NMNAT2: variants seen among roughly 807,000 people sequenced by gnomAD.
NMNAT2 encodes nicotinamide nucleotide adenylyltransferase 2.
Under a neutral mutation model 41.6 loss-of-function variants are expected in NMNAT2, and 11 were observed. The observed-to-expected ratio is 0.26, with a 90% CI of 0.17 to 0.44. The LOEUF (loss-of-function observed/expected upper bound fraction) is 0.44, where lower values mean the gene tolerates loss of function less well. Ranked by LOEUF, NMNAT2 falls within the 20% of genes least tolerant of loss-of-function variation. The probability of loss-of-function intolerance (pLI) is 1.00; values close to 1 mark genes in which losing one functional copy is unlikely to be tolerated. For missense variants in NMNAT2, 288 were observed against 407.7 expected, an observed-to-expected ratio of 0.71 and a Z score of 2.53; for synonymous variants, 148 against 151.2, an observed-to-expected ratio of 0.98 and a Z score of 0.16.
intron 10 of NMNAT2, among the ~76,000 whole-genome samples, chr1:183,255,179 T>A (rs1660484420): frequency 6.6e-6 from 1 of 152,244 alleles, no homozygotes; most frequent in Admixed American, 6.5e-5. Flanking sequence ...GACTGTCCTC[T>A]CTTTATTGTG....
Position 183,418,189 on chromosome 1 carries a change from T to G in NMNAT2, c.79A>C (p.Met27Leu). The stretch of plus-strand genomic sequence containing the variant: ...GGTGGGCGGGAGGACTCACCAAACA[T>G]CTGAATGTGCCCTTTGGTGATGGGA... ...FNPITKGHIQ[M>L]FERARDYLHK... The change falls in exon 1 of 11, where the codon ATG (methionine) becomes CTG (leucine). Residue 27 changes from methionine (M) to leucine (L), a missense_variant. This residue lies in a region of NMNAT2 where 100 missense variants were observed against 168.5 expected (regional missense o/e 0.59). Transcript: ENST00000287713. 1 of 1,612,632 alleles carries G rather than the reference T, an allele frequency of 6.2e-7. No individual in the cohort carries two copies. Among genetic ancestry groups the G allele is most frequent in the Non-Finnish European group, 8.5e-7 (1 of 1,179,690 alleles).
At chr1:183,299,026 G>C (rs1661777694) in intron 1 of NMNAT2, among the ~76,000 whole-genome samples, 1 of 152,156 alleles carries the variant, frequency 6.6e-6, no homozygotes, top group African/African-American at 2.4e-5. Flanking sequence ...ATAGGTAAAT[G>C]GTTAACTAAA....
chr1:183,409,708 A>C (rs575264292), intron 1 of NMNAT2, among the ~76,000 whole-genome samples: 19 of 152,232 alleles, frequency 1.2e-4, no homozygotes, highest in Non-Finnish European at 2.4e-4. Context: ...GGATCTCTAC[A>C]GTGCTTACTT....
intron 1 of NMNAT2, among the ~76,000 whole-genome samples, chr1:183,345,657 C>A (rs1316534362): frequency 6.6e-6 from 1 of 151,298 alleles, no homozygotes; most frequent in Admixed American, 6.6e-5. Flanking sequence ...GACTTCTCAG[C>A]TTTCATAACT....
Position 183,339,336 on chromosome 1 carries a change from A to T in NMNAT2, c.86-45543T>A, listed in dbSNP as rs543020345. On this transcript the variant is annotated intron_variant, in intron 1 of 10. Transcript: ENST00000287713. ...ATGGTCTCAATCTCCTGACCTCATGATCTGCGCGCCTCAGCCTCCCAAAGT... is the reference window on the plus strand; with the variant it reads ...ATGGTCTCAATCTCCTGACCTCATGTTCTGCGCGCCTCAGCCTCCCAAAGT... 4.7e-4 allele frequency among the ~76,000 whole-genome samples: 72 copies of T among 152,176 alleles called. No individual in the cohort carries two copies. In the South Asian group the frequency reaches 7.9e-3, roughly 17 times the overall value.
chr1:183,344,614 G>A (rs1432325121), intron 1 of NMNAT2, among the ~76,000 whole-genome samples: 2 of 152,228 alleles, frequency 1.3e-5, no homozygotes, highest in East Asian at 1.9e-4. Context: ...TCTCAGCCTC[G>A]GCACTACTGA....
chr1:183,372,449 G>C (rs1224443313), intron 1 of NMNAT2, among the ~76,000 whole-genome samples: 2 of 152,126 alleles, frequency 1.3e-5, no homozygotes, highest in African/African-American at 4.8e-5. Context: ...CACCAAGACA[G>C]AGCCAGGAAG....
At chr1:183,383,053 A>G (rs1446268668) in intron 1 of NMNAT2, among the ~76,000 whole-genome samples, 1 of 152,186 alleles carries the variant, frequency 6.6e-6, no homozygotes, top group Non-Finnish European at 1.5e-5. Flanking sequence ...GCATGTCTGT[A>G]TATCCTCTGA....
At chr1:183,345,846 C>G (rs1337524891) in intron 1 of NMNAT2, among the ~76,000 whole-genome samples, 6 of 152,074 alleles carry the variant, frequency 3.9e-5, no homozygotes, top group African/African-American at 1.4e-4. Flanking sequence ...GCCACCATGC[C>G]CGGCTAATTT....
In NMNAT2 at chr1:183,383,568, C is replaced by T. The variant is rs1038067424; in HGVS notation, c.85+34615G>A. On this transcript the variant is annotated intron_variant, in intron 1 of 10. Transcript: ENST00000287713. ...CTCTTTGCTTATGCCTATCACCATA[C>T]GCTGTTAGATGCAGCCAGGCTACAT... Among the ~76,000 whole-genome samples, 16 of 152,194 alleles carry T rather than the reference C, an allele frequency of 1.1e-4. 1 individual carries two copies. The highest frequency in any genetic ancestry group is 2.1e-4 in the South Asian group (1 of 4,828).
At chr1:183,378,067 AAC>A (rs973590067) in intron 1 of NMNAT2, among the ~76,000 whole-genome samples, 4 of 152,190 alleles carry the variant, frequency 2.6e-5, no homozygotes, top group African/African-American at 9.7e-5. Context: ...CCAAAATTGA[AAC>A]ACAATTTATA....
Position 183,418,247 on chromosome 1 carries a change from G to T in NMNAT2, c.21C>A (p.Thr7=), listed in dbSNP as rs754249730. The change falls in exon 1 of 11, where the codon ACC becomes ACA. Residue 7 remains threonine (T), a synonymous_variant. Transcript: ENST00000287713. ...TGCCGCAGGCGAGCAAGATAACGTG[G>T]GTCTTGGTGGTCTCGGTCATGGTGC... MTETTK[T]HVILLACGSF... 3 of 1,614,000 alleles carry T rather than the reference G, an allele frequency of 1.9e-6. No individual in the cohort carries two copies. The East Asian group carries it at 6.7e-5, about 36-fold the overall frequency.
At chr1:183,382,971 C>T (rs1331223947) in intron 1 of NMNAT2, among the ~76,000 whole-genome samples, 1 of 152,204 alleles carries the variant, frequency 6.6e-6, no homozygotes, top group East Asian at 1.9e-4. Flanking sequence ...ACATTTTCCC[C>T]TCCACATTGC....
intron 1 of NMNAT2, among the ~76,000 whole-genome samples, chr1:183,374,672 T>C (rs1000740356): frequency 6.6e-6 from 1 of 152,218 alleles, no homozygotes; most frequent in African/African-American, 2.4e-5. Context: ...CTGTATCCTG[T>C]GATTTCATTG....
intron 1 of NMNAT2, chr1:183,304,646 G>T (rs1056041619): frequency 5.6e-6 from 9 of 1,607,576 alleles, no homozygotes; most frequent in Non-Finnish European, 6.8e-6. Flanking sequence ...CTCATGCCAT[G>T]TGCCTCAGGC....
At chr1:183,387,678 A>G (rs1006295402) in intron 1 of NMNAT2, among the ~76,000 whole-genome samples, 10 of 152,156 alleles carry the variant, frequency 6.6e-5, no homozygotes, top group African/African-American at 2.4e-4. Flanking sequence ...CTTTTTGCTC[A>G]TGGTATTCTC....
intron 1 of NMNAT2, chr1:183,304,640 T>C (rs1661952964): frequency 1.2e-6 from 2 of 1,604,910 alleles, no homozygotes; most frequent in African/African-American, 2.7e-5. Flanking sequence ...CCCGCCCTCA[T>C]GCCATGTGCC....
intron 8 of NMNAT2, among the ~76,000 whole-genome samples, chr1:183,273,865 T>C (rs148503635): frequency 0.14 from 12,037 of 84,006 alleles, 1,512 homozygotes; most frequent in African/African-American, 0.22. Context: ...CTTCCTTCCT[T>C]CCTTCCTTCC....
At chr1:183,388,001 A>G (rs1184637679) in intron 1 of NMNAT2, among the ~76,000 whole-genome samples, 1 of 152,198 alleles carries the variant, frequency 6.6e-6, no homozygotes, top group Admixed American at 6.5e-5. Context: ...CTAACTTGAA[A>G]TTTGCTATGT....
Sources: allele counts gnomAD v4.1 joint callset (sites outside exome capture counted in the v4.1 genomes callset), GRCh38; gene constraint gnomAD v4.1.1; regional missense constraint gnomAD v4.1.1; transcripts MANE v1.5; gene names NCBI Gene and HGNC (gene_info 2026-07-23, HGNC 2026-07-21).